Variants in CUEDC1 observed in about 807,000 individuals in gnomAD.
The protein encoded by CUEDC1 is CUE domain-containing protein 1.
Under a neutral mutation model 43.7 loss-of-function variants are expected in CUEDC1, and 30 were observed. The ratio of observed to expected loss-of-function variants is 0.69; its 90% CI spans 0.51 to 0.93. CUEDC1 has a LOEUF of 0.93. CUEDC1 is among the 40% of genes least tolerant of loss of function. CUEDC1 has a pLI of 0.00. For missense variants in CUEDC1, 486 were observed against 549.0 expected (o/e 0.89, Z 1.15); for synonymous variants, 223 against 223.6 (o/e 1.00, Z 0.02).
intron 1 of CUEDC1, among the ~76,000 whole-genome samples, chr17:57,935,239 C>T (rs1376078925): frequency 6.6e-6 from 1 of 152,190 alleles, no homozygotes; most frequent in Non-Finnish European, 1.5e-5. Flanking sequence ...TCCATGACAA[C>T]AGGATGAGCA....
At chr17:57,940,286 C>T (rs2074905627) in intron 1 of CUEDC1, among the ~76,000 whole-genome samples, 2 of 151,626 alleles carry the variant, frequency 1.3e-5, no homozygotes, top group South Asian at 4.2e-4. Context: ...GCACAGTAAG[C>T]GATTCAGCCA....
intron 1 of CUEDC1, among the ~76,000 whole-genome samples, chr17:57,937,377 G>A (rs949249853): frequency 9.9e-5 from 15 of 152,098 alleles, no homozygotes; most frequent in Admixed American, 5.2e-4. Context: ...TTGGGAAGCC[G>A]AGTTGGGAGG....
chr17:57,874,447 T>C (rs2074081917), intron 3 of CUEDC1, among the ~76,000 whole-genome samples: 1 of 152,162 alleles, frequency 6.6e-6, no homozygotes, highest in South Asian at 2.1e-4. Flanking sequence ...GGCCGCTCTT[T>C]CCAGGCCCGT....
At chr17:57,867,578 G>T in intron 8 of CUEDC1, 163 bp from the exon 9 acceptor site, 1 of 654,834 alleles carries the variant, frequency 1.5e-6, no homozygotes, top group Non-Finnish European at 2.8e-6. Context: ...TCATTTTCCT[G>T]AGGTCAGTGG....
chr17:57,893,667 G>A (rs28664672), intron 1 of CUEDC1, among the ~76,000 whole-genome samples: 5,268 of 152,332 alleles, frequency 0.035, 279 homozygotes, highest in African/African-American at 0.12. Flanking sequence ...CTCGGGCACA[G>A]CCATTGGAGA....
At chr17:57,905,508 G>GC (rs915176225) in intron 1 of CUEDC1, among the ~76,000 whole-genome samples, 3 of 152,268 alleles carry the variant, frequency 2.0e-5, no homozygotes, top group African/African-American at 7.2e-5. Flanking sequence ...GGGCTGGAGG[G>GC]CCTCCCCAGT....
intron 1 of CUEDC1, among the ~76,000 whole-genome samples, chr17:57,943,553 AT>A (rs2143218015): frequency 6.6e-6 from 1 of 152,282 alleles, no homozygotes; most frequent in East Asian, 1.9e-4. Context: ...TGTCTCAAGA[AT>A]TCACCATCCA....
intron 1 of CUEDC1, chr17:57,903,504 C>G (rs1401175324): frequency 6.6e-6 from 1 of 152,504 alleles, no homozygotes; most frequent in Non-Finnish European, 1.5e-5. Flanking sequence ...ATTGCACAAC[C>G]AAAGCACAGG....
intron 1 of CUEDC1, among the ~76,000 whole-genome samples, chr17:57,927,377 C>T (rs2074757997): frequency 6.8e-6 from 1 of 146,058 alleles, no homozygotes; most frequent in Non-Finnish European, 1.5e-5. Flanking sequence ...GGGGCTGCTG[C>T]AGAAAGCCTA....
At chr17:57,916,667 C>A (rs940284076) in intron 1 of CUEDC1, among the ~76,000 whole-genome samples, 1 of 152,184 alleles carries the variant, frequency 6.6e-6, no homozygotes, top group African/African-American at 2.4e-5. Flanking sequence ...CCCTTTCAGG[C>A]CACAGAGAGG....
At position 57,930,060 on chromosome 17, in the gene CUEDC1, C is replaced by T. The variant is rs1466556821; in HGVS notation, c.-316+25165G>A. 2.0e-5 allele frequency among the ~76,000 whole-genome samples: 3 copies of T among 152,338 alleles called. No homozygotes were observed. In the East Asian group the frequency reaches 5.8e-4, roughly 29 times the overall value. ...TCAGGTGATCCACCCGCCTCGGCCT[C>T]CCAAAGTGCTGGGATTACAGGCGTG... On this transcript the variant is annotated intron_variant, in intron 1 of 10. Coordinates refer to ENST00000577830, the MANE Select transcript of CUEDC1 (RefSeq NM_001271875.2). This position sits in a 1 kb window ranked among gnomAD's most constrained non-coding sequence, Gnocchi z 4.2.
chr17:57,912,572 G>C (rs1443841847), intron 1 of CUEDC1: 3 of 151,960 alleles, frequency 2.0e-5, no homozygotes, highest in African/African-American at 7.3e-5. Context: ...TTACTTGTTT[G>C]TGCCTCAGTT....
intron 1 of CUEDC1, among the ~76,000 whole-genome samples, chr17:57,950,477 A>ATT (rs71365851): frequency 8.6e-5 from 11 of 127,852 alleles, no homozygotes; most frequent in Non-Finnish European, 1.7e-4. Context: ...TTATTTATTT[A>ATT]TTTTTTTTTT....
intron 6 of CUEDC1, 117 bp from the exon 7 acceptor site, chr17:57,869,310 G>T: frequency 1.2e-6 from 1 of 860,256 alleles, no homozygotes; most frequent in Non-Finnish European, 1.9e-6. Flanking sequence ...TCCCTGGCCA[G>T]AAGGGAGTTT....
Position 57,885,297 on chromosome 17 carries a change from C to T in CUEDC1, c.268G>A (p.Glu90Lys), listed in dbSNP as rs753427174. ...TIDQLLQMNL[E>K]GGGSSGGVYE... is the part of the protein sequence containing the mutation. ...ACGCCGCCGCTGCTGCCACCGCCCT[C>T]CAGGTTCATCTGCAGCAGCTGGTCG... The change falls in exon 2 of 11, where the codon GAG becomes AAG. Residue 90 changes from glutamate to lysine, a missense_variant. Transcript: ENST00000577830. 2.5e-6 allele frequency: 4 copies of T among 1,610,140 alleles called. No homozygotes were observed.
At chr17:57,891,850 A>C (rs2074358478) in intron 1 of CUEDC1, among the ~76,000 whole-genome samples, 1 of 152,138 alleles carries the variant, frequency 6.6e-6, no homozygotes, top group South Asian at 2.1e-4. Context: ...CAGTGTTCCT[A>C]ACCCTTTAGG....
intron 1 of CUEDC1, among the ~76,000 whole-genome samples, chr17:57,887,735 C>T (rs2333065): frequency 0.54 from 75,979 of 140,834 alleles, 21,271 homozygotes; most frequent in East Asian, 0.99. Context: ...AAACTCCTGA[C>T]GTCAGGTGAT....
intron 1 of CUEDC1, among the ~76,000 whole-genome samples, chr17:57,897,999 C>T (rs117116839): frequency 0.012 from 1,755 of 152,230 alleles, 22 homozygotes; most frequent in Non-Finnish European, 0.02. Flanking sequence ...GGCGACAGTG[C>T]GAGACTAGGT....
At chr17:57,896,491 T>G (rs955702122) in intron 1 of CUEDC1, among the ~76,000 whole-genome samples, 973 of 74,766 alleles carry the variant, frequency 0.013, 30 homozygotes, top group African/African-American at 0.088. Context: ...TTATGGGGTG[T>G]GTGTGTGTGT....
Sources: allele counts gnomAD v4.1 joint callset (sites outside exome capture counted in the v4.1 genomes callset), GRCh38; gene constraint gnomAD v4.1.1; non-coding constraint Gnocchi (gnomAD v3.1); transcripts MANE v1.5; gene names NCBI Gene and HGNC (gene_info 2026-07-23, HGNC 2026-07-21).